Variants in PARD3B observed in about 807,000 individuals in gnomAD.
The protein encoded by PARD3B is partitioning defective 3 homolog B.
In PARD3B, 103 loss-of-function variants were observed where a neutral mutation model predicts 130.2. The ratio of observed to expected loss-of-function variants is 0.79; its 90% CI spans 0.67 to 0.93. PARD3B has a LOEUF of 0.93. Among genes scored for constraint, PARD3B ranks in the 40% least tolerant of loss-of-function variants. The pLI is 0.00. For synonymous variants in PARD3B, 583 were observed against 553.2 expected (o/e 1.05, Z -0.76); for missense variants, 1,609 against 1,499.2 (o/e 1.07, Z -1.21).
chr2:205,323,321 A>G (rs1355666037), intron 18 of PARD3B, among the ~76,000 whole-genome samples: 1 of 152,190 alleles, frequency 6.6e-6, no homozygotes, highest in Non-Finnish European at 1.5e-5. Context: ...ATCAGGGTTA[A>G]TGGTAAAGAC....
chr2:204,998,306 C>A (rs1694421353), intron 3 of PARD3B, among the ~76,000 whole-genome samples: 2 of 100,896 alleles, frequency 2.0e-5, no homozygotes, highest in Admixed American at 1.1e-4. Flanking sequence ...TATCCCAGAA[C>A]TTAAAGTATA....
intron 15 of PARD3B, among the ~76,000 whole-genome samples, chr2:205,222,765 T>C (rs546553621): frequency 6.6e-6 from 1 of 152,130 alleles, no homozygotes; most frequent in African/African-American, 2.4e-5. Context: ...ATTTGAGTGG[T>C]AAACATAGTC....
At chr2:205,552,347 T>G (rs1291726022) in intron 21 of PARD3B, among the ~76,000 whole-genome samples, 1 of 152,122 alleles carries the variant, frequency 6.6e-6, no homozygotes, top group East Asian at 1.9e-4. Flanking sequence ...AGACAGTTGA[T>G]TGTCAGCAAC....
chr2:204,607,167 T>C (rs2033752375), intron 1 of PARD3B, among the ~76,000 whole-genome samples: 1 of 152,126 alleles, frequency 6.6e-6, no homozygotes, highest in African/African-American at 2.4e-5. Flanking sequence ...AGATATCCCA[T>C]AAATATATGA....
intron 1 of PARD3B, among the ~76,000 whole-genome samples, chr2:204,671,109 C>T (rs546488010): frequency 6.6e-6 from 1 of 152,224 alleles, no homozygotes; most frequent in African/African-American, 2.4e-5. Context: ...CTGGGTCCCT[C>T]ATTTTGGTGG....
At chr2:205,310,484 A>G (rs757070138) in intron 18 of PARD3B, among the ~76,000 whole-genome samples, 1 of 151,842 alleles carries the variant, frequency 6.6e-6, no homozygotes, top group Non-Finnish European at 1.5e-5. Flanking sequence ...TTTGACCAAC[A>G]TTTCTTCAAC....
chr2:204,785,398 C>T (rs376680977), intron 2 of PARD3B, among the ~76,000 whole-genome samples: 3 of 152,282 alleles, frequency 2.0e-5, no homozygotes, highest in African/African-American at 7.2e-5. Context: ...TATGTGCCAG[C>T]CCCTGCTCTT....
At chr2:204,665,123 T>G (rs1271473540) in intron 1 of PARD3B, among the ~76,000 whole-genome samples, 1 of 151,532 alleles carries the variant, frequency 6.6e-6, no homozygotes, top group African/African-American at 2.4e-5. Context: ...TTTTTTTTTG[T>G]CTTTGTTCTT....
At chr2:204,807,127 G>A (rs550859147) in intron 2 of PARD3B, among the ~76,000 whole-genome samples, 3 of 152,036 alleles carry the variant, frequency 2.0e-5, no homozygotes, top group Admixed American at 6.6e-5. Context: ...AGACTTATTC[G>A]CTCTCATGAG....
chr2:205,171,631 C>T (rs1284345698), intron 11 of PARD3B, among the ~76,000 whole-genome samples: 3 of 152,160 alleles, frequency 2.0e-5, no homozygotes, highest in Non-Finnish European at 4.4e-5. Context: ...CGAACTGGCC[C>T]TTTTCTACAC....
rs2040949048 is a variant in PARD3B at position 205,276,383 on chromosome 2, TG to T, written c.2186-24145del. ...TTCCTTGGTATTTATACAGCATTTG[TG>T]GTATTTTCCTCCTTTCTTTTCTTAT... On this transcript the variant is annotated intron_variant, in intron 16 of 22. Coordinates refer to ENST00000406610, the MANE Select transcript of PARD3B (RefSeq NM_001302769.2). The surrounding 1 kb of genome is among the most constrained non-coding windows in gnomAD (Gnocchi z 5.0). Among the ~76,000 whole-genome samples the T allele has an allele frequency of 6.6e-6, 1 of 152,200 alleles. No homozygotes were observed. Among genetic ancestry groups the T allele is most frequent in the Non-Finnish European group, 1.5e-5 (1 of 68,042 alleles).
At chr2:204,854,007 G>A (rs1443335902) in intron 2 of PARD3B, among the ~76,000 whole-genome samples, 3 of 152,298 alleles carry the variant, frequency 2.0e-5, no homozygotes, top group East Asian at 1.9e-4. Flanking sequence ...GATAAAAATA[G>A]CAATGGAAGA....
intron 3 of PARD3B, among the ~76,000 whole-genome samples, chr2:204,972,531 TA>T (rs1691798853): frequency 6.6e-6 from 1 of 152,176 alleles, no homozygotes; most frequent in African/African-American, 2.4e-5. Flanking sequence ...TTTTGTGTGC[TA>T]TATCTGATGG....
At chr2:205,221,983 A>G (rs768974857) in intron 15 of PARD3B, among the ~76,000 whole-genome samples, 16 of 152,172 alleles carry the variant, frequency 1.1e-4, no homozygotes, top group African/African-American at 1.7e-4. Context: ...GGAGAGGATC[A>G]GGAAAAATAA....
At chr2:205,185,342 A>T (rs192567070) in intron 13 of PARD3B, among the ~76,000 whole-genome samples, 7 of 152,306 alleles carry the variant, frequency 4.6e-5, no homozygotes, top group African/African-American at 1.7e-4. Flanking sequence ...TTTTAAAAGA[A>T]GTTTTTGCTA....
intron 10 of PARD3B, among the ~76,000 whole-genome samples, chr2:205,155,891 G>T (rs894014488): frequency 1.3e-5 from 2 of 152,066 alleles, no homozygotes; most frequent in Non-Finnish European, 2.9e-5. Flanking sequence ...TTTTGATGGG[G>T]TTGTTTGTTT....
chr2:204,715,324 T>C (rs1234033173), intron 2 of PARD3B, among the ~76,000 whole-genome samples: 1 of 152,160 alleles, frequency 6.6e-6, no homozygotes, highest in Admixed American at 6.6e-5. Context: ...AGAGCAAAAT[T>C]CTTTTTAAAA....
At chr2:205,172,084 C>A in intron 11 of PARD3B, 127 bp from the exon 12 acceptor site, 2 of 862,802 alleles carry the variant, frequency 2.3e-6, no homozygotes, top group Non-Finnish European at 1.7e-6. Flanking sequence ...GAAAATAAAT[C>A]ACTTCTAACA....
In PARD3B at chr2:205,525,554, A is replaced by G. The variant is rs370196302; in HGVS notation, c.3180+25523A>G. 6.6e-6 allele frequency among the ~76,000 whole-genome samples: 1 copy of G among 152,216 alleles called. No individual in the cohort carries two copies. The highest frequency in any genetic ancestry group is 2.4e-5 in the African/African-American group (1 of 41,464). ...AAAAAACAAAGTTCCTGCTATAAAC[A>G]TAGGGGTATTGGTTGCATGACTTTA... is the stretch of plus-strand genomic sequence containing the variant. On this transcript the variant is annotated intron_variant, in intron 21 of 22. Transcript: ENST00000406610. The surrounding 1 kb of genome is among the most constrained non-coding windows in gnomAD (Gnocchi z 4.2).
Sources: gnomAD v4.1 joint callset for allele counts (sites outside exome capture counted in the v4.1 genomes callset) on GRCh38, gnomAD v4.1.1 for gene constraint, Gnocchi (gnomAD v3.1) non-coding constraint, MANE v1.5 for transcripts, NCBI Gene and HGNC (gene_info 2026-07-23, HGNC 2026-07-21) for gene names.